Variants in IFT25 observed in about 807,000 individuals in gnomAD.
IFT25 encodes intraflagellar transport 25.
chr1:53,937,534 C>T, the IFT25 span, among the ~76,000 whole-genome samples: 1 of 152,168 alleles, frequency 6.6e-6, no homozygotes, highest in Non-Finnish European at 1.5e-5. Flanking sequence ...TTACATTATT[C>T]CATGTTTTCC....
chr1:53,936,132 C>CA, the IFT25 span, among the ~76,000 whole-genome samples: 1 of 151,334 alleles, frequency 6.6e-6, no homozygotes, highest in African/African-American at 2.4e-5. Flanking sequence ...ACTAGAAATA[C>CA]AAAAAATTAG....
chr1:53,920,452 A>G, the IFT25 span, among the ~76,000 whole-genome samples: 1 of 143,536 alleles, frequency 7.0e-6, no homozygotes, highest in East Asian at 2.0e-4. Context: ...TCCTCTTGAC[A>G]TTATCCATTA....
chr1:53,931,639 G>A, the IFT25 span, among the ~76,000 whole-genome samples: 1 of 152,128 alleles, frequency 6.6e-6, no homozygotes, highest in Non-Finnish European at 1.5e-5. Flanking sequence ...CATCTAAGTT[G>A]TCAAATGTAT....
At chr1:53,935,376 A>G in the IFT25 span, among the ~76,000 whole-genome samples, 2 of 152,236 alleles carry the variant, frequency 1.3e-5, no homozygotes, top group East Asian at 3.8e-4. Flanking sequence ...ACAGAAACAA[A>G]GTAGATTAAT....
At chr1:53,936,499 A>G in the IFT25 span, among the ~76,000 whole-genome samples, 1 of 152,316 alleles carries the variant, frequency 6.6e-6, no homozygotes, top group South Asian at 2.1e-4. Context: ...ATGTATAAGG[A>G]AGTCATCAAA....
At chr1:53,924,012 AT>A in the IFT25 span, 4 of 1,002,716 alleles carry the variant, frequency 4.0e-6, no homozygotes, top group Non-Finnish European at 6.3e-6. Context: ...AGCTATTGAA[AT>A]TTATGTTCAG....
chr1:53,939,470 A>C, the IFT25 span, among the ~76,000 whole-genome samples: 1 of 152,048 alleles, frequency 6.6e-6, no homozygotes, highest in African/African-American at 2.4e-5. Context: ...AACAATATTT[A>C]GAAAAATATC....
chr1:53,946,097 G>A, the IFT25 span: 2 of 151,820 alleles, frequency 1.3e-5, no homozygotes, highest in African/African-American at 4.9e-5. Flanking sequence ...GGGCCAAGAT[G>A]CGAAACCACT....
At chr1:53,930,123 T>C in the IFT25 span, 10 of 1,564,468 alleles carry the variant, frequency 6.4e-6, no homozygotes, top group Middle Eastern at 1.7e-4. Flanking sequence ...ATTCCTGTGG[T>C]GGTCCAAAAC....
the IFT25 span, among the ~76,000 whole-genome samples, chr1:53,941,578 A>C: frequency 1.3e-5 from 2 of 152,218 alleles, no homozygotes; most frequent in Non-Finnish European, 2.9e-5. Flanking sequence ...AGTTTTCGAC[A>C]CTATTGATAC....
the IFT25 span, among the ~76,000 whole-genome samples, chr1:53,932,241 C>T: frequency 2.6e-5 from 4 of 151,694 alleles, no homozygotes; most frequent in South Asian, 8.3e-4. Flanking sequence ...GTCTCAGCTA[C>T]TTGGGAGGCT....
the IFT25 span, among the ~76,000 whole-genome samples, chr1:53,940,955 T>A: frequency 3.8e-4 from 53 of 138,084 alleles, no homozygotes; most frequent in African/African-American, 1.3e-3. Flanking sequence ...CAAAAAAAAA[T>A]TTTTTTTTTT....
the IFT25 span, among the ~76,000 whole-genome samples, chr1:53,926,877 C>T: frequency 6.6e-6 from 1 of 152,108 alleles, no homozygotes; most frequent in Non-Finnish European, 1.5e-5. Context: ...CACATGTCAC[C>T]ATCCCTGGCT....
chr1:53,940,317 G>T, the IFT25 span, among the ~76,000 whole-genome samples: 1 of 152,002 alleles, frequency 6.6e-6, no homozygotes, highest in South Asian at 2.1e-4. Context: ...CACAAAATAA[G>T]TCCCTGACTA....
At chr1:53,923,992 A>C in the IFT25 span, 25 of 1,192,346 alleles carry the variant, frequency 2.1e-5, no homozygotes, top group South Asian at 1.4e-4. Flanking sequence ...GGGTCAAAAT[A>C]CATGAGAATA....
the IFT25 span, among the ~76,000 whole-genome samples, chr1:53,938,813 G>A: frequency 0.013 from 2,034 of 152,154 alleles, 50 homozygotes; most frequent in African/African-American, 0.046. Flanking sequence ...GGGGGCTCAC[G>A]CCTGTAATCT....
At chr1:53,921,759 A>G in the IFT25 span, 4 of 1,608,726 alleles carry the variant, frequency 2.5e-6, no homozygotes, top group Admixed American at 6.7e-5. Flanking sequence ...TAGCGGAGCC[A>G]TCATGTGCCT....
the IFT25 span, among the ~76,000 whole-genome samples, chr1:53,940,442 GAAAC>G: frequency 6.6e-6 from 1 of 152,044 alleles, no homozygotes; most frequent in African/African-American, 2.4e-5. Context: ...CAGAAAAAGA[GAAAC>G]AAAAGAATAA....
chr1:53,940,954 AT>A, the IFT25 span, among the ~76,000 whole-genome samples: 1,333 of 147,590 alleles, frequency 9.0e-3, 22 homozygotes, highest in African/African-American at 0.03. Context: ...CCAAAAAAAA[AT>A]TTTTTTTTTT....
Sources: gnomAD v4.1 joint callset for allele counts (sites outside exome capture counted in the v4.1 genomes callset) on GRCh38, gnomAD v4.1.1 for gene constraint, MANE v1.5 for transcripts, NCBI Gene and HGNC (gene_info 2026-07-23, HGNC 2026-07-21) for gene names.